PREX2: variants seen among roughly 807,000 people sequenced by gnomAD.
PREX2 encodes the protein phosphatidylinositol 3,4,5-trisphosphate-dependent Rac exchanger 2 protein.
Under a neutral mutation model 203.2 loss-of-function variants are expected in PREX2, and 107 were observed. The ratio of observed to expected loss-of-function variants is 0.53; its 90% CI spans 0.45 to 0.62. PREX2 has a LOEUF of 0.62. Ranked by LOEUF, PREX2 falls within the 20% of genes least tolerant of loss-of-function variation. PREX2 has a pLI of 0.00. For missense variants in PREX2, 1,777 were observed against 1,955.9 expected (o/e 0.91, Z 1.72); for synonymous variants, 672 against 663.6 (o/e 1.01, Z -0.19).
At chr8:68,159,811 A>G in intron 35 of PREX2, among the ~76,000 whole-genome samples, 1 of 152,212 alleles carries the variant, frequency 6.6e-6, no homozygotes, top group East Asian at 1.9e-4. Context: ...TGTTGAATTT[A>G]TATAAACAAC....
At position 68,163,372 on chromosome 8, in the gene PREX2, A is replaced by G. The variant is rs112488319; in HGVS notation, c.4346+5936A>G. Among the ~76,000 whole-genome samples the G allele has an allele frequency of 4.6e-5, 7 of 152,342 alleles. 1 individual carries two copies. The highest frequency in any genetic ancestry group is 1.7e-4 in the African/African-American group (7 of 41,576). On this transcript the variant is annotated intron_variant, in intron 35 of 39. Coordinates refer to ENST00000288368, the MANE Select transcript of PREX2 (RefSeq NM_024870.4). ...AACAGGGTAGCAAATTTGCATCTCAAATCAAAGATAGAAAATGTAATATTT... is the reference window on the plus strand; with the variant it reads ...AACAGGGTAGCAAATTTGCATCTCAGATCAAAGATAGAAAATGTAATATTT...
intron 1 of PREX2, among the ~76,000 whole-genome samples, chr8:68,012,933 G>T (rs927252848): frequency 1.3e-5 from 2 of 152,206 alleles, no homozygotes; most frequent in African/African-American, 4.8e-5. Flanking sequence ...GTCATATGGT[G>T]ATAGAAGAGG....
At chr8:68,098,966 A>ATATAT (rs1554577019) in intron 22 of PREX2, among the ~76,000 whole-genome samples, 3 of 143,654 alleles carry the variant, frequency 2.1e-5, no homozygotes, top group African/African-American at 7.8e-5. Context: ...ATATATATAT[A>ATATAT]TATATATATA....
intron 3 of PREX2, among the ~76,000 whole-genome samples, chr8:68,021,435 C>G (rs1403919149): frequency 2.0e-5 from 3 of 152,202 alleles, no homozygotes; most frequent in Admixed American, 1.3e-4. Context: ...TCCTCAGGGT[C>G]TCTCATTCTC....
chr8:68,011,382 G>A (rs1585703564), intron 1 of PREX2, among the ~76,000 whole-genome samples: 1 of 151,868 alleles, frequency 6.6e-6, no homozygotes, highest in Non-Finnish European at 1.5e-5. Flanking sequence ...AATGGCTACG[G>A]CTACAAAGAT....
chr8:68,065,632 A>G (rs1808995285), intron 11 of PREX2, among the ~76,000 whole-genome samples: 1 of 152,200 alleles, frequency 6.6e-6, no homozygotes, highest in South Asian at 2.1e-4. Context: ...GAATTCTGAC[A>G]ACTTTCTTTC....
chr8:67,989,471 T>G (rs1806535883), intron 1 of PREX2, among the ~76,000 whole-genome samples: 1 of 152,214 alleles, frequency 6.6e-6, no homozygotes, highest in Non-Finnish European at 1.5e-5. Context: ...ATGACTTGTG[T>G]TTTTGTTACT....
At chr8:68,020,668 T>A (rs1356757336) in intron 3 of PREX2, among the ~76,000 whole-genome samples, 3 of 152,144 alleles carry the variant, frequency 2.0e-5, no homozygotes, top group Non-Finnish European at 4.4e-5. Flanking sequence ...GTGTTTTTCT[T>A]GGGCACAGCT....
chr8:68,191,007 A>G (rs1279430982), intron 35 of PREX2, among the ~76,000 whole-genome samples: 1 of 152,138 alleles, frequency 6.6e-6, no homozygotes, highest in African/African-American at 2.4e-5. Flanking sequence ...ACAAAATGGC[A>G]TGAAATACTA....
intron 19 of PREX2, among the ~76,000 whole-genome samples, chr8:68,089,446 A>T (rs937363989): frequency 1.3e-5 from 2 of 152,176 alleles, no homozygotes; most frequent in Non-Finnish European, 2.9e-5. Context: ...ACTCTTAGTC[A>T]AGGCAAAGAC....
intron 20 of PREX2, among the ~76,000 whole-genome samples, chr8:68,093,338 C>T (rs1043615066): frequency 1.4e-5 from 2 of 139,058 alleles, no homozygotes; most frequent in Non-Finnish European, 3.0e-5. Flanking sequence ...TTTGGTGAGT[C>T]GAGACTGCAC....
chr8:68,029,795 A>C (rs1807826551), intron 5 of PREX2, among the ~76,000 whole-genome samples: 1 of 152,146 alleles, frequency 6.6e-6, no homozygotes, highest in Non-Finnish European at 1.5e-5. Context: ...TTAAGAGATT[A>C]AGGATTATTC....
intron 18 of PREX2, among the ~76,000 whole-genome samples, chr8:68,083,615 TC>T (rs1809596555): frequency 6.6e-6 from 1 of 152,210 alleles, no homozygotes; most frequent in Non-Finnish European, 1.5e-5. Context: ...ACAATGCTTT[TC>T]TTTTGCTGCC....
At position 68,053,203 on chromosome 8, in the gene PREX2, T is replaced by A; in HGVS notation, c.1050T>A (p.His350Gln). 1 of 1,613,656 alleles carries A rather than the reference T, an allele frequency of 6.2e-7. No homozygotes were observed. The highest frequency in any genetic ancestry group is 1.1e-5 in the South Asian group (1 of 91,058). Residue 350 changes from histidine (H) to glutamine (Q), a missense_variant, in exon 9 of 40, where the codon CAT (histidine) becomes CAA (glutamine). Coordinates refer to ENST00000288368, the MANE Select transcript of PREX2 (RefSeq NM_024870.4). ...TGGCAAAAACACCTGAAGAGAAGCA[T>A]GAATGGTTTGAAGCTATTTTGAAAG... ...VCMAKTPEEK[H>Q]EWFEAILKER...
chr8:68,202,979 T>C (rs1812536754), intron 37 of PREX2, among the ~76,000 whole-genome samples: 1 of 152,164 alleles, frequency 6.6e-6, no homozygotes, highest in Non-Finnish European at 1.5e-5. Flanking sequence ...TTCCTTTTTG[T>C]TCCACGTGGG....
intron 7 of PREX2, among the ~76,000 whole-genome samples, chr8:68,042,390 T>A (rs1808225029): frequency 6.6e-6 from 1 of 152,032 alleles, no homozygotes; most frequent in Admixed American, 6.6e-5. Flanking sequence ...TGTTTAGGAG[T>A]TTTAAAAAAT....
In PREX2 at chr8:68,119,452, G is replaced by T. The variant is rs1810723115; in HGVS notation, c.3442G>T (p.Val1148Phe). The T allele has an allele frequency of 6.2e-7, 1 of 1,613,522 alleles. No individual in the cohort carries two copies. The highest frequency in any genetic ancestry group is 8.5e-7 in the Non-Finnish European group (1 of 1,179,664). Reference protein sequence around the residue: ...MDSGDELPLSVRISHDKQDKI... With the variant: ...MDSGDELPLSFRISHDKQDKI... ...TCTAGGTGATGAACTTCCCTTAAGT[G>T]TTCGCATATCTCATGATAAACAGGA... Residue 1148 changes from valine (V) to phenylalanine (F), a missense_variant, in exon 28 of 40, where the codon GTT becomes TTT. Transcript: ENST00000288368.
intron 8 of PREX2, among the ~76,000 whole-genome samples, chr8:68,051,944 T>A (rs575839996): frequency 5.3e-5 from 8 of 152,130 alleles, no homozygotes; most frequent in Non-Finnish European, 7.3e-5. Flanking sequence ...CATTTGATAA[T>A]GGATTTGTGG....
At chr8:68,143,760 A>T (rs533418029) in intron 33 of PREX2, among the ~76,000 whole-genome samples, 4 of 152,294 alleles carry the variant, frequency 2.6e-5, no homozygotes, top group African/African-American at 9.6e-5. Flanking sequence ...GAAAGTCATC[A>T]GTATTTCCAA....
Sources: allele counts gnomAD v4.1 joint callset (sites outside exome capture counted in the v4.1 genomes callset), GRCh38; gene constraint gnomAD v4.1.1; transcripts MANE v1.5; gene names NCBI Gene and HGNC (gene_info 2026-07-23, HGNC 2026-07-21).